The following ZNF417 variants were observed in gnomAD, a reference collection of about 807,000 sequenced individuals.
The protein encoded by ZNF417 is zinc finger protein 417.
In ZNF417, 5 loss-of-function variants were observed where a neutral mutation model predicts 7.4. The ratio of observed to expected loss-of-function variants is 0.68; its 90% confidence interval spans 0.35 to 1.43. The LOEUF (loss-of-function observed/expected upper bound fraction) is 1.43, where lower values mean the gene tolerates loss of function less well. ZNF417 is among the 40% of genes most tolerant of loss of function. The pLI is 0.04. For synonymous variants in ZNF417, 147 were observed against 239.1 expected (o/e 0.61, Z 3.55); for missense variants, 437 against 697.3 (o/e 0.63, Z 4.20).
At chr19:57,915,692 T>G (rs2071941441) in intron 1 of ZNF417, 1 of 398,084 alleles carries the variant, frequency 2.5e-6, no homozygotes, top group African/African-American at 2.1e-5. Context: ...AATAGCCCTT[T>G]CCTGAAAAGA....
chr19:57,908,421 G>A lies in ZNF417; in HGVS notation c.*129C>T. The A allele has an allele frequency of 1.3e-6, 2 of 1,537,142 alleles. No individual in the cohort carries two copies. The highest frequency in any genetic ancestry group is 1.8e-6 in the Non-Finnish European group (2 of 1,125,156). Reference sequence around the variant, plus strand: ...TCCGTTCCAATGCGAAGTCTCTTAAGACCAAGGAGAGCAGACATTCTGATG... The same window carrying A: ...TCCGTTCCAATGCGAAGTCTCTTAAAACCAAGGAGAGCAGACATTCTGATG... On this transcript the variant is annotated 3_prime_UTR_variant, in exon 3 of 3. Transcript: ENST00000312026.
chr19:57,915,562 G>T, intron 1 of ZNF417: 2 of 414,254 alleles, frequency 4.8e-6, no homozygotes, highest in South Asian at 5.8e-5. Flanking sequence ...AAAGAAATCA[G>T]ACCTTACTGA....
rs1205051454 is a variant in ZNF417 at position 57,916,573 on chromosome 19, A to T, written c.-162T>A. 4 of 1,484,812 alleles carry T rather than the reference A, an allele frequency of 2.7e-6. No individual in the cohort carries two copies. Among genetic ancestry groups the T allele is most frequent in the Non-Finnish European group, 1.8e-6 (2 of 1,119,960 alleles). The allele number at this position is 1,484,812 out of a possible 1,614,324, so 92.0% of individuals were successfully genotyped here. Reference sequence around the variant, plus strand: ...CACAAACTGGGGAAACACCCGCGTCACCGATACACAGCCGCTACTAGAGAC... The same window carrying T: ...CACAAACTGGGGAAACACCCGCGTCTCCGATACACAGCCGCTACTAGAGAC... On this transcript the variant is annotated 5_prime_UTR_variant, in exon 1 of 3. Coordinates refer to ENST00000312026, the MANE Select transcript of ZNF417 (RefSeq NM_152475.3).
rs1204694038 is a variant in ZNF417 at position 57,907,588 on chromosome 19, T to A, written c.*962A>T. ...TGTCCCATCTCCCTGTCAGTATCAGTGTCCCAGATAATCTTCTTCTGACTG... is the reference window on the plus strand; with the variant it reads ...TGTCCCATCTCCCTGTCAGTATCAGAGTCCCAGATAATCTTCTTCTGACTG... On this transcript the variant is annotated 3_prime_UTR_variant, in exon 3 of 3. Coordinates refer to ENST00000312026, the MANE Select transcript of ZNF417 (RefSeq NM_152475.3). 1 of 154,854 alleles carries A rather than the reference T, an allele frequency of 6.5e-6. No homozygotes were observed. The highest frequency in any genetic ancestry group is 2.4e-5 in the African/African-American group (1 of 41,536). The allele number at this position is 154,854 out of a possible 1,614,324, so 9.6% of individuals were successfully genotyped here. A position where few individuals can be genotyped will look rare whatever the true frequency, so the allele number is the denominator to read the frequency against.
intron 1 of ZNF417, among the ~76,000 whole-genome samples, chr19:57,913,584 T>A (rs2071918436): frequency 6.6e-6 from 1 of 152,190 alleles, no homozygotes; most frequent in Non-Finnish European, 1.5e-5. Context: ...TCTCAAAACG[T>A]TTATGAATCC....
intron 1 of ZNF417, chr19:57,915,680 A>AT: frequency 5.1e-6 from 2 of 394,514 alleles, no homozygotes; most frequent in Non-Finnish European, 8.9e-6. Flanking sequence ...AACAAAATTG[A>AT]TAATAGCCCT....
intron 1 of ZNF417, among the ~76,000 whole-genome samples, 158 bp downstream of exon 1, chr19:57,916,221 C>G (rs893468727): frequency 2.1e-5 from 3 of 144,260 alleles, no homozygotes; most frequent in African/African-American, 8.8e-5. Flanking sequence ...ACACAGGGAC[C>G]CCCACTGGAC....
At position 57,906,102 on chromosome 19, in the gene ZNF417, C is replaced by T. The variant is rs1312037902; in HGVS notation, c.*2448G>A. On this transcript the variant is annotated 3_prime_UTR_variant, in exon 3 of 3. Transcript: ENST00000312026. ...CCCAATTATAAAGGTTTTGTGGGAA[C>T]ATAATTGGGTGTAATAAAATAAAAA... 1.3e-5 allele frequency among the ~76,000 whole-genome samples: 2 copies of T among 152,064 alleles called. No homozygotes were observed. Among genetic ancestry groups the T allele is most frequent in the Non-Finnish European group, 2.9e-5 (2 of 68,030 alleles).
chr19:57,910,760 T>C (rs1294605051), intron 2 of ZNF417, among the ~76,000 whole-genome samples: 1 of 151,396 alleles, frequency 6.6e-6, no homozygotes, highest in Non-Finnish European at 1.5e-5. Flanking sequence ...TAGAAGCATA[T>C]GGACTGGGCG....
chr19:57,915,444 T>G (rs1269324780), intron 1 of ZNF417: 1 of 453,562 alleles, frequency 2.2e-6, no homozygotes, highest in Non-Finnish European at 4.1e-6. Flanking sequence ...TCCAGGCCAT[T>G]GCCTGCGCCC....
chr19:57,916,510 G>T lies in ZNF417; in HGVS notation c.-99C>A. The T allele has an allele frequency of 6.3e-7, 1 of 1,598,404 alleles. No individual in the cohort carries two copies. Among genetic ancestry groups the T allele is most frequent in the Middle Eastern group, 1.7e-4 (1 of 5,822 alleles). On this transcript the variant is annotated 5_prime_UTR_variant, in exon 1 of 3. Transcript: ENST00000312026. ...GAGGACGATTCCTCTCCACCTTCTA[G>T]GTTCAGTCACCGCGGTCCCCCCCCA...
At chr19:57,914,298 C>T (rs2071924883) in intron 1 of ZNF417, among the ~76,000 whole-genome samples, 1 of 151,654 alleles carries the variant, frequency 6.6e-6, no homozygotes, top group African/African-American at 2.4e-5. Context: ...CCAGTCTGGC[C>T]AATATGATGA....
At chr19:57,915,679 G>A (rs1363773192) in intron 1 of ZNF417, 1 of 394,264 alleles carries the variant, frequency 2.5e-6, no homozygotes, top group Non-Finnish European at 4.5e-6. Context: ...AAACAAAATT[G>A]ATAATAGCCC....
At chr19:57,912,713 A>G (rs2122534588) in intron 1 of ZNF417, among the ~76,000 whole-genome samples, 1 of 151,974 alleles carries the variant, frequency 6.6e-6, no homozygotes, top group African/African-American at 2.4e-5. Flanking sequence ...GGTTCAAGTG[A>G]TTCTCGTGCC....
chr19:57,910,140 G>C (rs762578116), intron 2 of ZNF417, 26 bp from the exon 3 acceptor site: 1 of 1,601,968 alleles, frequency 6.2e-7, no homozygotes. Context: ...TGCTGGTCAA[G>C]TGCAAAGTAC....
intron 1 of ZNF417, 129 bp from the exon 2 acceptor site, chr19:57,912,318 T>A: frequency 6.7e-7 from 1 of 1,493,370 alleles, no homozygotes. Context: ...CTATGTCCAC[T>A]AGTGCCTTTG....
intron 1 of ZNF417, among the ~76,000 whole-genome samples, chr19:57,913,245 C>G (rs2071915688): frequency 6.6e-6 from 1 of 152,144 alleles, no homozygotes. Context: ...CTATGCTTGA[C>G]AAATACAAAT....
In ZNF417 at chr19:57,908,472, G is replaced by C. The variant is rs553473360; in HGVS notation, c.*78C>G. On this transcript the variant is annotated 3_prime_UTR_variant, in exon 3 of 3. Coordinates refer to ENST00000312026, the MANE Select transcript of ZNF417 (RefSeq NM_152475.3). Reference sequence around the variant, plus strand: ...TTTCCCAGATTGACAGCACTCATAAGGCCTTTCTCCAGTATGAACTCTCCT... The same window carrying C: ...TTTCCCAGATTGACAGCACTCATAACGCCTTTCTCCAGTATGAACTCTCCT... The C allele has an allele frequency of 6.2e-7, 1 of 1,605,492 alleles. No individual in the cohort carries two copies. Among genetic ancestry groups the C allele is most frequent in the East Asian group, 2.2e-5 (1 of 44,828 alleles).
rs2071857103 is a variant in ZNF417, at chr19:57,908,456, T to C, written c.*94A>G. On this transcript the variant is annotated 3_prime_UTR_variant, in exon 3 of 3. Coordinates refer to ENST00000312026, the MANE Select transcript of ZNF417 (RefSeq NM_152475.3). Reference sequence around the variant, plus strand: ...AGCAGACATTCTGATGTTTCCCAGATTGACAGCACTCATAAGGCCTTTCTC... The same window carrying C: ...AGCAGACATTCTGATGTTTCCCAGACTGACAGCACTCATAAGGCCTTTCTC... 6.3e-7 allele frequency: 1 copy of C among 1,597,104 alleles called. No homozygotes were observed. The highest frequency in any genetic ancestry group is 8.6e-7 in the Non-Finnish European group (1 of 1,168,500).
Sources: gnomAD v4.1 joint callset for allele counts (sites outside exome capture counted in the v4.1 genomes callset) on GRCh38, gnomAD v4.1.1 for gene constraint, MANE v1.5 for transcripts, NCBI Gene and HGNC (gene_info 2026-07-23, HGNC 2026-07-21) for gene names.